Variants in CTNNA3 observed in about 807,000 individuals in gnomAD.
CTNNA3 encodes catenin alpha 3, also known as catenin alpha-3.
In CTNNA3, 76 loss-of-function variants were observed where a neutral mutation model predicts 95.7. The ratio of observed to expected loss-of-function variants is 0.79; its 90% CI spans 0.66 to 0.96. The LOEUF (loss-of-function observed/expected upper bound fraction) is 0.96. Among genes scored for constraint, CTNNA3 ranks in the 40% least tolerant of loss-of-function variants. The pLI, the probability that CTNNA3 is intolerant of heterozygous loss-of-function variation, is 0.00. For missense variants in CTNNA3, 1,191 were observed against 1,089.8 expected (o/e 1.09, Z -1.31); for synonymous variants, 431 against 374.4 (o/e 1.15, Z -1.74).
intron 7 of CTNNA3, among the ~76,000 whole-genome samples, chr10:67,173,615 G>T (rs900587257): frequency 1.3e-5 from 2 of 152,052 alleles, no homozygotes; most frequent in African/African-American, 4.8e-5. Context: ...TCTACCATCA[G>T]CTCCCACCTA....
At chr10:67,142,845 T>C (rs1860643138) in intron 7 of CTNNA3, among the ~76,000 whole-genome samples, 1 of 151,960 alleles carries the variant, frequency 6.6e-6, no homozygotes, top group Non-Finnish European at 1.5e-5. Flanking sequence ...GGCAGGGGAA[T>C]CGCTTGAACC....
intron 5 of CTNNA3, among the ~76,000 whole-genome samples, chr10:67,469,847 A>G (rs1311319166): frequency 6.6e-6 from 1 of 152,230 alleles, no homozygotes; most frequent in East Asian, 1.9e-4. Context: ...TATGGGGTAC[A>G]TAAGATGTTT....
chr10:67,097,250 T>C (rs1858054623), intron 7 of CTNNA3, among the ~76,000 whole-genome samples: 1 of 151,912 alleles, frequency 6.6e-6, no homozygotes. Context: ...TAATAGTGTT[T>C]ATCAGTTCTA....
rs139943307 is a variant in CTNNA3 at position 66,925,811 on chromosome 10, C to T, written c.1048-150287G>A. 17 of 338,126 alleles carry T rather than the reference C, an allele frequency of 5.0e-5. No individual in the cohort carries two copies. In the East Asian group the frequency reaches 1.3e-3, roughly 27 times the overall value. 20.9% of individuals were successfully genotyped at this position (338,126 alleles called of 1,614,324 possible). ...ATTAAGTGGACACAGACAATAAAGACGTTGCCAAATTGTAAAACAAGACTT... is the reference window on the plus strand; with the variant it reads ...ATTAAGTGGACACAGACAATAAAGATGTTGCCAAATTGTAAAACAAGACTT... On this transcript the variant is annotated intron_variant, in intron 7 of 17. Transcript: ENST00000433211.
At chr10:67,392,772 T>C (rs1166077859) in intron 5 of CTNNA3, among the ~76,000 whole-genome samples, 2 of 151,990 alleles carry the variant, frequency 1.3e-5, no homozygotes, top group African/African-American at 2.4e-5. Flanking sequence ...TGGATGAAAT[T>C]GGAAATCATC....
At chr10:67,341,353 T>C (rs1842181326) in intron 5 of CTNNA3, among the ~76,000 whole-genome samples, 1 of 152,154 alleles carries the variant, frequency 6.6e-6, no homozygotes, top group African/African-American at 2.4e-5. Flanking sequence ...ACAACTACAC[T>C]TCCCAGCCTC....
intron 6 of CTNNA3, among the ~76,000 whole-genome samples, chr10:67,204,906 T>C (rs1256600676): frequency 1.3e-5 from 2 of 152,114 alleles, no homozygotes; most frequent in Non-Finnish European, 2.9e-5. Flanking sequence ...CTCAGAAATG[T>C]AAAAACCTGA....
At chr10:66,346,768 T>C (rs868421210) in intron 12 of CTNNA3, among the ~76,000 whole-genome samples, 16 of 152,230 alleles carry the variant, frequency 1.1e-4, no homozygotes, top group South Asian at 8.3e-4. Flanking sequence ...ACGTTATTTT[T>C]ATCACATTTC....
At chr10:66,142,480 T>C (rs142607543) in intron 13 of CTNNA3, among the ~76,000 whole-genome samples, 22 of 152,252 alleles carry the variant, frequency 1.4e-4, no homozygotes, top group Admixed American at 1.2e-3. Context: ...TTGTCTTGTC[T>C]ATTCCAGGTC....
chr10:66,140,478 A>G (rs1273876908), intron 13 of CTNNA3, among the ~76,000 whole-genome samples: 1 of 152,236 alleles, frequency 6.6e-6, no homozygotes, highest in Non-Finnish European at 1.5e-5. Flanking sequence ...CCTGAAGAAC[A>G]GAGATCTATG....
chr10:67,276,656 G>A (rs1839190110), intron 5 of CTNNA3, among the ~76,000 whole-genome samples: 1 of 152,026 alleles, frequency 6.6e-6, no homozygotes, highest in Non-Finnish European at 1.5e-5. Context: ...TGATACATTT[G>A]CCGATGAAAT....
At chr10:67,233,842 C>A (rs1445545375) in intron 5 of CTNNA3, among the ~76,000 whole-genome samples, 6 of 152,122 alleles carry the variant, frequency 3.9e-5, no homozygotes, top group Admixed American at 6.5e-5. Context: ...CATCACTGAT[C>A]CCACAGAAAT....
chr10:67,234,989 A>G lies in CTNNA3; in HGVS notation c.580-15119T>C, dbSNP rs568399660. Among the ~76,000 whole-genome samples the G allele has an allele frequency of 9.1e-3, 1,350 of 148,976 alleles. 10 individuals are homozygous for G. Among genetic ancestry groups the G allele is most frequent in the African/African-American group, 0.021 (853 of 40,010 alleles). ...AAGGACCTCTTCAAGGAGAACTACA[A>G]ACCACTGCTCAATGAAATAAAAGAG... On this transcript the variant is annotated intron_variant, in intron 5 of 17. Transcript: ENST00000433211.
chr10:66,357,361 G>A (rs544950991), intron 12 of CTNNA3, among the ~76,000 whole-genome samples: 6 of 151,916 alleles, frequency 3.9e-5, no homozygotes, highest in African/African-American at 1.4e-4. Context: ...CATACCATGC[G>A]AGTCACCCTT....
intron 1 of CTNNA3, among the ~76,000 whole-genome samples, chr10:67,649,113 G>A (rs1168360856): frequency 2.6e-5 from 4 of 152,166 alleles, no homozygotes; most frequent in Non-Finnish European, 4.4e-5. Flanking sequence ...GAATTTATTT[G>A]TTACTCCTCT....
chr10:66,915,723 T>TAC (rs3056546), intron 7 of CTNNA3, among the ~76,000 whole-genome samples: 5,570 of 147,282 alleles, frequency 0.038, 351 homozygotes, highest in African/African-American at 0.13. Context: ...TATATATATA[T>TAC]ACACACACAC....
chr10:66,005,107 T>C (rs796278310), intron 15 of CTNNA3, among the ~76,000 whole-genome samples: 17 of 152,290 alleles, frequency 1.1e-4, no homozygotes, highest in African/African-American at 3.9e-4. Flanking sequence ...CCAAAGGATA[T>C]CACTAAAAGG....
chr10:66,386,729 A>G (rs59821624), intron 11 of CTNNA3, among the ~76,000 whole-genome samples: 14,588 of 152,160 alleles, frequency 0.096, 932 homozygotes, highest in East Asian at 0.22. Context: ...AAACAGCATG[A>G]TACTGGTACC....
intron 7 of CTNNA3, among the ~76,000 whole-genome samples, chr10:66,897,493 A>G (rs1845547526): frequency 6.6e-6 from 1 of 152,166 alleles, no homozygotes; most frequent in African/African-American, 2.4e-5. Flanking sequence ...TTAAAAAGGG[A>G]ATATAACTGT....
Sources: gnomAD v4.1 joint callset for allele counts (sites outside exome capture counted in the v4.1 genomes callset) on GRCh38, gnomAD v4.1.1 for gene constraint, MANE v1.5 for transcripts, NCBI Gene and HGNC (gene_info 2026-07-23, HGNC 2026-07-21) for gene names.